Variants in XBP1 observed in about 807,000 individuals in gnomAD.
XBP1 encodes X-box-binding protein 1.
XBP1 carries 18 observed loss-of-function variants against 34.6 expected under a neutral mutation model. The ratio of observed to expected loss-of-function variants is 0.52; its 90% CI spans 0.36 to 0.77. The LOEUF (loss-of-function observed/expected upper bound fraction) is 0.77, where lower values mean the gene tolerates loss of function less well. Among genes scored for constraint, XBP1 ranks in the 30% least tolerant of loss-of-function variants. The probability of loss-of-function intolerance (pLI) is 0.00; values close to 1 mark genes in which losing one functional copy is unlikely to be tolerated. For synonymous variants in XBP1, 191 were observed against 193.4 expected (o/e 0.99, Z 0.11); for missense variants, 422 against 464.6 (o/e 0.91, Z 0.84).
chr22:28,795,955 C>T, intron 5 of XBP1, 92 bp downstream of exon 5: 1 of 1,542,526 alleles, frequency 6.5e-7, no homozygotes. Flanking sequence ...AAACTAACTT[C>T]AACCCTCATC....
At chr22:28,795,663 G>A (rs1441768634) in exon 6 of XBP1, 1 of 1,594,968 alleles carries the variant, frequency 6.3e-7, no homozygotes, top group Non-Finnish European at 8.5e-7. Context: ...AGGCTGGCAG[G>A]CTCTGGGGAA....
In XBP1 at chr22:28,796,131, GGTGCAC is replaced by G; in HGVS notation, c.498+11_499-11del. On this transcript the variant is annotated splice_polypyrimidine_tract_variant and intron_variant, in intron 4 of 5. Transcript: ENST00000344347. The stretch of plus-strand genomic sequence containing the variant: ...CAACTGGGCCTGCACCTGCTGCAGA[GGTGCAC>G]GTAGTCTGAGTGCTGCGGACTCAGC... 1 of 1,613,420 alleles carries G rather than the reference GGTGCAC, an allele frequency of 6.2e-7. No homozygotes were observed. Among genetic ancestry groups the G allele is most frequent in the Non-Finnish European group, 8.5e-7 (1 of 1,179,626 alleles).
At chr22:28,796,345 A>G in intron 3 of XBP1, 153 bp from the exon 4 acceptor site, 1 of 648,340 alleles carries the variant, frequency 1.5e-6, no homozygotes, top group Non-Finnish European at 2.4e-6. Context: ...CATTATTATT[A>G]TTGAGAAGAG....
exon 6 of XBP1, chr22:28,795,586 C>A (rs2031733682): frequency 6.2e-7 from 1 of 1,614,026 alleles, no homozygotes; most frequent in Non-Finnish European, 8.5e-7. Context: ...ATGACGTCCC[C>A]ACTGACAGAG....
intron 1 of XBP1, 113 bp downstream of exon 1, chr22:28,800,185 C>T (rs2031850002): frequency 1.6e-6 from 2 of 1,282,256 alleles, no homozygotes; most frequent in African/African-American, 1.5e-5. Flanking sequence ...AGGCCAAAGG[C>T]GACGGAGCCC....
chr22:28,794,972 A>G (rs1196814751), downstream of XBP1: 1 of 423,298 alleles, frequency 2.4e-6, no homozygotes, highest in Non-Finnish European at 4.1e-6. Flanking sequence ...TCTTACTTCC[A>G]GTAATATGTC....
At chr22:28,796,307 A>C (rs1363619641) in intron 3 of XBP1, 115 bp from the exon 4 acceptor site, 14 of 993,972 alleles carry the variant, frequency 1.4e-5, no homozygotes, top group Non-Finnish European at 2.0e-5. Flanking sequence ...CTAGGGTTAA[A>C]TTGCTATAGA....
chr22:28,796,128 A>G lies in XBP1; in HGVS notation c.499-7T>C. On this transcript the variant is annotated splice_polypyrimidine_tract_variant and splice_region_variant and intron_variant, in intron 4 of 5. Transcript: ENST00000344347. ...TGACAACTGGGCCTGCACCTGCTGC[A>G]GAGGTGCACGTAGTCTGAGTGCTGC... 6.2e-7 allele frequency: 1 copy of G among 1,613,632 alleles called. No individual in the cohort carries two copies. Among genetic ancestry groups the G allele is most frequent in the Non-Finnish European group, 8.5e-7 (1 of 1,179,730 alleles).
chr22:28,797,171 C>G (rs1262215970), exon 3 of XBP1: 1 of 1,613,192 alleles, frequency 6.2e-7, no homozygotes, highest in Non-Finnish European at 8.5e-7. Flanking sequence ...AGTTTTCTCT[C>G]GTAAAAGCTG....
exon 1 of XBP1, chr22:28,800,444 G>A (rs1272273934): frequency 2.0e-6 from 3 of 1,473,024 alleles, no homozygotes; most frequent in East Asian, 5.7e-5. Context: ...GGGCTCCGGC[G>A]GCGGAGGCGG....
chr22:28,796,417 T>C (rs1026798915), intron 3 of XBP1: 1 of 404,340 alleles, frequency 2.5e-6, no homozygotes, highest in Non-Finnish European at 4.3e-6. Flanking sequence ...AATGTTTCAT[T>C]GTGCAGGAAA....
chr22:28,794,863 C>T (rs1601435900), downstream of XBP1: 1 of 218,166 alleles, frequency 4.6e-6, no homozygotes, highest in Non-Finnish European at 9.0e-6. Context: ...AGACATTTGT[C>T]TAATGACCCT....
intron 3 of XBP1, chr22:28,796,769 C>A (rs1014626485): frequency 2.4e-5 from 5 of 205,980 alleles, no homozygotes; most frequent in Non-Finnish European, 4.8e-5. Flanking sequence ...GAGTGGCTCT[C>A]TTACTTTGGT....
intron 2 of XBP1, among the ~76,000 whole-genome samples, chr22:28,798,468 CCGGCTAATTTT>C (rs2146266591): frequency 6.6e-6 from 1 of 151,188 alleles, no homozygotes; most frequent in South Asian, 2.1e-4. Context: ...GCCACGACAC[CCGGCTAATTTT>C]TGTATTTTTA....
At chr22:28,797,973 T>C (rs1258100465) in intron 2 of XBP1, among the ~76,000 whole-genome samples, 2 of 152,092 alleles carry the variant, frequency 1.3e-5, no homozygotes, top group Non-Finnish European at 2.9e-5. Context: ...AAGCTCAATA[T>C]ATGCAAATTG....
downstream of XBP1, chr22:28,795,078 C>CT (rs1347863520): frequency 1.2e-5 from 14 of 1,211,580 alleles, no homozygotes; most frequent in African/African-American, 2.2e-4. Context: ...TGTATACTCT[C>CT]TATTTTGGCT....
upstream of XBP1, chr22:28,800,550 G>A (rs1366636609): frequency 8.2e-6 from 12 of 1,470,500 alleles, no homozygotes. Flanking sequence ...ACCGCGCACC[G>A]CGCGCCGCAG....
chr22:28,798,133 AAGC>A (rs2031784549), intron 2 of XBP1, among the ~76,000 whole-genome samples: 1 of 152,196 alleles, frequency 6.6e-6, no homozygotes, highest in South Asian at 2.1e-4. Flanking sequence ...TGTAAAGTTT[AAGC>A]AATTATTTCC....
chr22:28,794,850 T>TC (rs1476820238), downstream of XBP1: 4 of 199,392 alleles, frequency 2.0e-5, no homozygotes, highest in African/African-American at 9.2e-5. Context: ...CATGTCTACT[T>TC]CAAGACATTT....
Sources: gnomAD v4.1 joint callset for allele counts (sites outside exome capture counted in the v4.1 genomes callset) on GRCh38, gnomAD v4.1.1 for gene constraint, MANE v1.5 for transcripts, NCBI Gene and HGNC (gene_info 2026-07-23, HGNC 2026-07-21) for gene names.